Variants in TEX2 observed in about 807,000 individuals in gnomAD.
The protein encoded by TEX2 is testis-expressed protein 2.
In TEX2, 53 loss-of-function variants were observed where a neutral mutation model predicts 106.9. That is an observed-to-expected ratio of 0.50 (90% CI 0.40 to 0.62). TEX2 has a LOEUF of 0.62. Among genes scored for constraint, TEX2 ranks in the 20% least tolerant of loss-of-function variants. The probability of loss-of-function intolerance (pLI) is 0.00; values close to 1 mark genes in which losing one functional copy is unlikely to be tolerated. For synonymous variants in TEX2, 523 were observed against 534.8 expected (o/e 0.98, Z 0.30); for missense variants, 1,207 against 1,379.0 (o/e 0.88, Z 1.98).
rs1555631907 is a variant in TEX2, at chr17:64,213,174, C to G, written c.1044G>C (p.Glu348Asp). The G allele has an allele frequency of 6.2e-7, 1 of 1,614,188 alleles. No homozygotes were observed. The highest frequency in any genetic ancestry group is 8.5e-7 in the Non-Finnish European group (1 of 1,180,044). ...LESNNNYSIK[E>D]EECDSEGDGY... Reference sequence around the variant, plus strand: ...CATCCCCCTCAGAATCACACTCCTCCTCCTTGATGCTGTAGTTGTTATTGC... The same window carrying G: ...CATCCCCCTCAGAATCACACTCCTCGTCCTTGATGCTGTAGTTGTTATTGC... Residue 348 changes from glutamate (E) to aspartate (D), a missense_variant, in exon 2 of 12, where the codon GAG becomes GAC. Around this residue, in one of 3 missense-constraint regions of TEX2, gnomAD observed 1,067 missense variants for 1,193.6 expected, o/e 0.89. Coordinates refer to ENST00000584379, the MANE Select transcript of TEX2 (RefSeq NM_001288732.2). The surrounding 1 kb of genome is among the most constrained non-coding windows in gnomAD (Gnocchi z 4.4).
chr17:64,178,751 C>T lies in TEX2; in HGVS notation c.2425-1280G>A, dbSNP rs2031715126. Among the ~76,000 whole-genome samples the T allele has an allele frequency of 3.3e-5, 5 of 152,236 alleles. No homozygotes were observed. The South Asian group carries it at 1.0e-3, about 31-fold the overall frequency. On this transcript the variant is annotated intron_variant, in intron 5 of 11. Coordinates refer to ENST00000584379, the MANE Select transcript of TEX2 (RefSeq NM_001288732.2). ...TATGGCTACTATAAGTGCATCTGTT[C>T]TGCCCTCATGGGCTGGCTGCAGCTA...
At position 64,213,790 on chromosome 17, in the gene TEX2, G is replaced by A. The variant is rs1555632171; in HGVS notation, c.428C>T (p.Pro143Leu). ...AVSPGSSSSGPLASSPSVSSL... is the reference protein window; with the variant it reads ...AVSPGSSSSGLLASSPSVSSL... ...TGACACACTGGGAGAGCTAGCTAAG[G>A]GCCCCGACGAAGACGACCCTGGGGA... Residue 143 changes from proline (P) to leucine (L), a missense_variant, in exon 2 of 12, where the codon CCC (proline) becomes CTC (leucine). By Grantham distance (98) the Pro-to-Leu change is moderately conservative. This residue lies in a region of TEX2 where 1,067 missense variants were observed against 1,193.6 expected (regional missense o/e 0.89). Coordinates refer to ENST00000584379, the MANE Select transcript of TEX2 (RefSeq NM_001288732.2). This position sits in a 1 kb window ranked among gnomAD's most constrained non-coding sequence, Gnocchi z 4.4. 1.9e-6 allele frequency: 3 copies of A among 1,614,034 alleles called. No individual in the cohort carries two copies. The highest frequency in any genetic ancestry group is 2.5e-6 in the Non-Finnish European group (3 of 1,180,032).
chr17:64,219,712 G>A (rs1598196865), intron 1 of TEX2, among the ~76,000 whole-genome samples: 1 of 152,138 alleles, frequency 6.6e-6, no homozygotes, highest in East Asian at 1.9e-4. Flanking sequence ...GGACCAGATG[G>A]AAGGTTGGAA....
chr17:64,212,641 T>C lies in TEX2; in HGVS notation c.1577A>G (p.Lys526Arg), dbSNP rs1555631704. Residue 526 changes from lysine to arginine, a missense_variant, in exon 2 of 12, where the codon AAG becomes AGG. This residue lies in a region of TEX2 where 1,067 missense variants were observed against 1,193.6 expected (regional missense o/e 0.89). Coordinates refer to ENST00000584379, the MANE Select transcript of TEX2 (RefSeq NM_001288732.2). ...FTPPSAHKYHKLHKNLRHWNT... is the reference protein window; with the variant it reads ...FTPPSAHKYHRLHKNLRHWNT... ...CCAGTGTCGCAGATTTTTGTGTAACTTGTGATATTTATGAGCACTTGGTGG... is the reference window on the plus strand; with the variant it reads ...CCAGTGTCGCAGATTTTTGTGTAACCTGTGATATTTATGAGCACTTGGTGG... The C allele has an allele frequency of 2.5e-6, 4 of 1,614,202 alleles. No homozygotes were observed. Among genetic ancestry groups the C allele is most frequent in the Admixed American group, 1.7e-5 (1 of 60,028 alleles).
intron 7 of TEX2, among the ~76,000 whole-genome samples, chr17:64,165,014 A>C (rs1332924452): frequency 6.6e-6 from 1 of 152,246 alleles, no homozygotes; most frequent in Admixed American, 6.5e-5. Context: ...AAAACCCTGC[A>C]CACCTGAACT....
intron 2 of TEX2, among the ~76,000 whole-genome samples, chr17:64,204,419 T>C (rs575856160): frequency 6.6e-6 from 1 of 152,360 alleles, no homozygotes; most frequent in East Asian, 1.9e-4. Context: ...TAAATCTGTA[T>C]TTCAGAGTCT....
chr17:64,238,007 T>C (rs2033807558), intron 1 of TEX2, among the ~76,000 whole-genome samples: 1 of 152,108 alleles, frequency 6.6e-6, no homozygotes, highest in Non-Finnish European at 1.5e-5. Context: ...ACATCTATAA[T>C]AAAAACAATT....
chr17:64,210,634 CTTTTTTTTTTT>C (rs58313195), intron 2 of TEX2, among the ~76,000 whole-genome samples: 2 of 74,786 alleles, frequency 2.7e-5, no homozygotes, highest in Non-Finnish European at 4.9e-5. Context: ...CAACCCCCAG[CTTTTTTTTTTT>C]TTTTTTTTTT....
chr17:64,148,811 C>T lies in TEX2; in HGVS notation c.*158G>A. 2.4e-6 allele frequency: 2 copies of T among 844,756 alleles called. No individual in the cohort carries two copies. Among genetic ancestry groups the T allele is most frequent in the East Asian group, 2.8e-5 (1 of 36,132 alleles). 52.3% of individuals were successfully genotyped at this position (844,756 alleles called of 1,614,324 possible). On this transcript the variant is annotated 3_prime_UTR_variant, in exon 12 of 12. Coordinates refer to ENST00000584379, the MANE Select transcript of TEX2 (RefSeq NM_001288732.2). Reference sequence around the variant, plus strand: ...TTGTCACTAGATGCAGGGAATGACACCTCACAGTGGAATGGGCACTGGCAG... The same window carrying T: ...TTGTCACTAGATGCAGGGAATGACATCTCACAGTGGAATGGGCACTGGCAG...
chr17:64,172,285 G>A (rs991001694), intron 6 of TEX2, among the ~76,000 whole-genome samples: 6 of 151,516 alleles, frequency 4.0e-5, no homozygotes, highest in South Asian at 4.2e-4. Flanking sequence ...CCTGAGAGGT[G>A]GAGGTTGCAG....
intron 5 of TEX2, among the ~76,000 whole-genome samples, chr17:64,181,464 G>C (rs2031854407): frequency 8.6e-6 from 1 of 115,956 alleles, no homozygotes; most frequent in South Asian, 3.0e-4. Context: ...CACAGAGCAA[G>C]GCTATCTCAA....
intron 1 of TEX2, 120 bp from the exon 2 acceptor site, chr17:64,214,362 G>C (rs2033125293): frequency 6.3e-6 from 5 of 799,360 alleles, no homozygotes; most frequent in Non-Finnish European, 9.8e-6. Context: ...TTACTTGGCA[G>C]ATGTCCACCG....
chr17:64,203,663 A>T (rs2032741077), intron 2 of TEX2, among the ~76,000 whole-genome samples: 1 of 152,222 alleles, frequency 6.6e-6, no homozygotes, highest in South Asian at 2.1e-4. Flanking sequence ...ACAGACATCC[A>T]GAATTCATAC....
intron 2 of TEX2, among the ~76,000 whole-genome samples, chr17:64,196,622 T>A (rs1323235491): frequency 6.6e-6 from 1 of 152,148 alleles, no homozygotes; most frequent in African/African-American, 2.4e-5. Flanking sequence ...AAGATGACAA[T>A]TACAGATCAC....
chr17:64,257,793 A>G (rs1221581266), intron 1 of TEX2, among the ~76,000 whole-genome samples: 2 of 152,236 alleles, frequency 1.3e-5, no homozygotes, highest in African/African-American at 4.8e-5. Flanking sequence ...CCTTTAAGTG[A>G]AAAAGTCAAA....
In TEX2 at chr17:64,217,748, C is replaced by G. The variant is rs1193298353; in HGVS notation, c.-25-3506G>C. 6.6e-6 allele frequency among the ~76,000 whole-genome samples: 1 copy of G among 152,206 alleles called. No homozygotes were observed. The highest frequency in any genetic ancestry group is 1.5e-5 in the Non-Finnish European group (1 of 68,024). ...GGAACTGAAAGGCCAAAAAAGAAAG[C>G]TTCCTTCTCAACAGTCTCTTTTTCC... On this transcript the variant is annotated intron_variant, in intron 1 of 11. Transcript: ENST00000584379. This position sits in a 1 kb window ranked among gnomAD's most constrained non-coding sequence, Gnocchi z 4.3.
chr17:64,172,348 G>A (rs541751888), intron 6 of TEX2, among the ~76,000 whole-genome samples: 3 of 91,376 alleles, frequency 3.3e-5, no homozygotes, highest in Admixed American at 2.7e-4. Flanking sequence ...GCGAGAATCC[G>A]TCTCAAAAAA....
rs782126305 is a variant in TEX2 at position 64,213,530 on chromosome 17, A to G, written c.688T>C (p.Ser230Pro). ...SLSTDTSRQESDTVSYKPPDS... is the reference protein window; with the variant it reads ...SLSTDTSRQEPDTVSYKPPDS... ...GGTGGCTTATAGGACACTGTATCCG[A>G]CTCCTGCCGGGAAGTGTCCGTGGAC... The change falls in exon 2 of 12, where the codon TCG becomes CCG. Residue 230 changes from serine to proline, a missense_variant. Physicochemically the swap from Ser to Pro is moderately conservative, Grantham distance 74. Transcript: ENST00000584379. This position sits in a 1 kb window ranked among gnomAD's most constrained non-coding sequence, Gnocchi z 4.4. 1 of 1,613,672 alleles carries G rather than the reference A, an allele frequency of 6.2e-7. No individual in the cohort carries two copies. Among genetic ancestry groups the G allele is most frequent in the East Asian group, 2.2e-5 (1 of 44,858 alleles).
At chr17:64,258,070 C>A (rs1161976713) in intron 1 of TEX2, among the ~76,000 whole-genome samples, 1 of 152,064 alleles carries the variant, frequency 6.6e-6, no homozygotes, top group East Asian at 1.9e-4. Flanking sequence ...CACCACCACA[C>A]CTGGCTAATT....
Sources: allele counts gnomAD v4.1 joint callset (sites outside exome capture counted in the v4.1 genomes callset), GRCh38; gene constraint gnomAD v4.1.1; regional missense constraint gnomAD v4.1.1; non-coding constraint Gnocchi (gnomAD v3.1); transcripts MANE v1.5; gene names NCBI Gene and HGNC (gene_info 2026-07-23, HGNC 2026-07-21).